The following SLC30A8 variants were observed in gnomAD, a reference collection of about 807,000 sequenced individuals.
SLC30A8 encodes proton-coupled zinc antiporter SLC30A8.
A neutral mutation model predicts 36.9 loss-of-function variants in SLC30A8; 27 were observed. The observed-to-expected ratio is 0.73, with a 90% CI of 0.54 to 1.01. SLC30A8 has a LOEUF of 1.01. Ranked by LOEUF, SLC30A8 falls within the 50% of genes least tolerant of loss-of-function variation. SLC30A8 has a pLI of 0.00. For missense variants in SLC30A8, 439 were observed against 452.0 expected, an observed-to-expected ratio of 0.97 and a Z score of 0.26; for synonymous variants, 164 against 172.4, an observed-to-expected ratio of 0.95 and a Z score of 0.38.
chr8:116,981,235 C>T (rs1815248354), intron 1 of SLC30A8, among the ~76,000 whole-genome samples: 1 of 152,150 alleles, frequency 6.6e-6, no homozygotes, highest in African/African-American at 2.4e-5. Flanking sequence ...GTGGTAGCTG[C>T]ACTTTTTGCT....
chr8:116,957,470 C>T (rs1195218495), intron 1 of SLC30A8, among the ~76,000 whole-genome samples: 1 of 152,016 alleles, frequency 6.6e-6, no homozygotes, highest in Non-Finnish European at 1.5e-5. Context: ...AGGATTTCAC[C>T]ATGTTGGCCA....
At chr8:116,963,040 G>A (rs1814481410) in intron 1 of SLC30A8, among the ~76,000 whole-genome samples, 1 of 150,118 alleles carries the variant, frequency 6.7e-6, no homozygotes, top group Non-Finnish European at 1.5e-5. Context: ...AGAGAAACAC[G>A]CAGCTCAGTT....
chr8:116,986,826 A>G (rs1815459619), intron 1 of SLC30A8, among the ~76,000 whole-genome samples: 1 of 152,202 alleles, frequency 6.6e-6, no homozygotes, highest in Non-Finnish European at 1.5e-5. Flanking sequence ...TTATAGTTTA[A>G]AAGCTGGTTA....
chr8:117,138,604 A>G (rs1475963345), intron 1 of SLC30A8, among the ~76,000 whole-genome samples: 1 of 151,988 alleles, frequency 6.6e-6, no homozygotes, highest in Non-Finnish European at 1.5e-5. Flanking sequence ...AGACAGGACC[A>G]AGAGGACTAT....
chr8:117,008,453 C>G (rs1816247777), intron 1 of SLC30A8, among the ~76,000 whole-genome samples: 1 of 152,136 alleles, frequency 6.6e-6, no homozygotes, highest in Non-Finnish European at 1.5e-5. Context: ...GTTTAAGTGC[C>G]TTACATTAGA....
At chr8:117,002,641 T>C (rs1816050133) in intron 1 of SLC30A8, among the ~76,000 whole-genome samples, 1 of 152,158 alleles carries the variant, frequency 6.6e-6, no homozygotes, top group African/African-American at 2.4e-5. Flanking sequence ...AGTCTTGCTC[T>C]GTCACCAGGC....
intron 2 of SLC30A8, among the ~76,000 whole-genome samples, chr8:117,090,731 G>A (rs1467485400): frequency 4.6e-5 from 7 of 152,214 alleles, no homozygotes; most frequent in Non-Finnish European, 1.5e-5. Flanking sequence ...TCATTCCATA[G>A]CAGAGCCACT....
chr8:117,047,082 C>T (rs565529555), intron 2 of SLC30A8, among the ~76,000 whole-genome samples: 107 of 152,146 alleles, frequency 7.0e-4, no homozygotes, highest in African/African-American at 2.4e-3. Context: ...GAGTGGGAGA[C>T]GGGATCTCGG....
At chr8:117,052,462 C>G (rs1052693201) in intron 2 of SLC30A8, among the ~76,000 whole-genome samples, 4 of 152,228 alleles carry the variant, frequency 2.6e-5, no homozygotes, top group Admixed American at 6.5e-5. Context: ...TGTTTTGTAT[C>G]AGCACAATAC....
chr8:117,147,429 T>A, intron 2 of SLC30A8: 1 of 369,302 alleles, frequency 2.7e-6, no homozygotes, highest in Non-Finnish European at 5.0e-6. Context: ...TAAACATAAC[T>A]GAGAGCATAC....
At chr8:116,952,749 G>A (rs2130571387) in intron 1 of SLC30A8, among the ~76,000 whole-genome samples, 1 of 152,220 alleles carries the variant, frequency 6.6e-6, no homozygotes, top group East Asian at 1.9e-4. Context: ...GAGCCACCGG[G>A]CCTGGCCACT....
chr8:117,166,766 A>ATTTTTTTTTTTTTTTTTTTTTTTTTTT (rs71305462), intron 6 of SLC30A8, among the ~76,000 whole-genome samples: 1 of 128,676 alleles, frequency 7.8e-6, no homozygotes, highest in Non-Finnish European at 1.6e-5. Flanking sequence ...ACATTAGCTG[A>ATTTTTTTTTTTTTTTTTTTTTTTTTTT]TTTTTTTTTT....
At chr8:117,027,838 CT>C (rs1356590620) in intron 1 of SLC30A8, among the ~76,000 whole-genome samples, 16 of 152,274 alleles carry the variant, frequency 1.1e-4, no homozygotes, top group African/African-American at 3.4e-4. Context: ...AAAGGAGGGT[CT>C]TTGGAGTTAC....
intron 1 of SLC30A8, among the ~76,000 whole-genome samples, chr8:116,952,662 G>A (rs1814035423): frequency 6.6e-6 from 1 of 151,890 alleles, no homozygotes; most frequent in Admixed American, 6.6e-5. Flanking sequence ...TCACCATGTT[G>A]GCCAGGCTGG....
chr8:117,043,637 A>G (rs184921906), intron 2 of SLC30A8, among the ~76,000 whole-genome samples: 43 of 152,346 alleles, frequency 2.8e-4, no homozygotes, highest in African/African-American at 1.0e-3. Flanking sequence ...CTTTTCCCCC[A>G]TAGAAAAATA....
Position 117,051,609 on chromosome 8 carries a change from C to T in SLC30A8, c.-226+12351C>T, listed in dbSNP as rs545666263. Among the ~76,000 whole-genome samples the T allele has an allele frequency of 4.3e-3, 652 of 152,064 alleles. 5 individuals are homozygous for T. Among genetic ancestry groups the T allele is most frequent in the South Asian group, 0.014 (65 of 4,810 alleles). ...CGGGCGGATCACAAGGTCAGGAGAT[C>T]GAGACCATCCTGGCTAACACGGTGA... is the stretch of plus-strand genomic sequence containing the variant. On this transcript the variant is annotated intron_variant, in intron 2 of 10. Coordinates refer to the SLC30A8 transcript ENST00000427715.
At chr8:117,110,269 A>G (rs1276048861) in intron 2 of SLC30A8, among the ~76,000 whole-genome samples, 1 of 152,134 alleles carries the variant, frequency 6.6e-6, no homozygotes, top group Non-Finnish European at 1.5e-5. Context: ...TTAAAAAAAA[A>G]AAGCCATCAA....
chr8:117,172,701 T>C lies in SLC30A8; in HGVS notation c.*20T>C. The C allele has an allele frequency of 6.2e-7, 1 of 1,612,476 alleles. No homozygotes were observed. The highest frequency in any genetic ancestry group is 8.5e-7 in the Non-Finnish European group (1 of 1,178,808). ...GACTAGCTCAGTCACACCGTCAGTT[T>C]CCCAAATTTGACAGGCCACCTTCAA... On this transcript the variant is annotated 3_prime_UTR_variant, in exon 8 of 8. Transcript: ENST00000456015.
intron 2 of SLC30A8, among the ~76,000 whole-genome samples, chr8:117,108,757 A>G (rs904449561): frequency 3.3e-5 from 5 of 152,176 alleles, no homozygotes; most frequent in African/African-American, 4.8e-5. Context: ...AAATAAACCA[A>G]TATTCATGAC....
Sources: gnomAD v4.1 joint callset for allele counts (sites outside exome capture counted in the v4.1 genomes callset) on GRCh38, gnomAD v4.1.1 for gene constraint, MANE v1.5 for transcripts, NCBI Gene and HGNC (gene_info 2026-07-23, HGNC 2026-07-21) for gene names.